Variants in PCDH7 observed in about 807,000 individuals in gnomAD.
The protein encoded by PCDH7 is protocadherin 7.
In PCDH7, 17 loss-of-function variants were observed where a neutral mutation model predicts 58.9. That is an observed-to-expected ratio of 0.29 (90% CI 0.20 to 0.43). PCDH7 has a LOEUF of 0.43. Among genes scored for constraint, PCDH7 ranks in the 20% least tolerant of loss-of-function variants. The pLI is 1.00. For synonymous variants in PCDH7, 664 were observed against 616.4 expected, an observed-to-expected ratio of 1.08 and a Z score of -1.14; for missense variants, 1,274 against 1,441.0, an observed-to-expected ratio of 0.88 and a Z score of 1.88.
At chr4:31,089,730 A>G (rs539829994) in intron 3 of PCDH7, among the ~76,000 whole-genome samples, 57 of 152,164 alleles carry the variant, frequency 3.7e-4, no homozygotes, top group African/African-American at 1.3e-3. Context: ...TTTCCCCACA[A>G]TTTTACTTAG....
intron 3 of PCDH7, among the ~76,000 whole-genome samples, chr4:31,111,939 T>C (rs1716370954): frequency 6.6e-6 from 1 of 152,214 alleles, no homozygotes; most frequent in Admixed American, 6.5e-5. Context: ...AGCTACTTAA[T>C]GATTTTGTGA....
chr4:30,965,440 T>C (rs1402229900), intron 3 of PCDH7, among the ~76,000 whole-genome samples: 1 of 152,026 alleles, frequency 6.6e-6, no homozygotes, highest in Non-Finnish European at 1.5e-5. Context: ...AATGAATCAC[T>C]GTTATCAAAA....
chr4:30,803,846 G>A lies in PCDH7; in HGVS notation c.70+79250G>A, dbSNP rs146003604. Among the ~76,000 whole-genome samples the A allele has an allele frequency of 1.5e-3, 227 of 152,242 alleles. 1 individual carries two copies. The highest frequency in any genetic ancestry group is 8.5e-3 in the East Asian group (44 of 5,178). ...GTAAGACTTACTGAAATAAAGCAGT[G>A]GAACAATGTCCTGGAATTGAAAGGG... is the stretch of plus-strand genomic sequence containing the variant. On this transcript the variant is annotated intron_variant, in intron 1 of 3. Coordinates refer to the PCDH7 transcript ENST00000509759.
intron 1 of PCDH7, among the ~76,000 whole-genome samples, chr4:30,797,481 A>G (rs1050133584): frequency 6.6e-6 from 1 of 150,916 alleles, no homozygotes; most frequent in African/African-American, 2.4e-5. Context: ...TCACTGTGTT[A>G]GCCAGGATGG....
intron 1 of PCDH7, among the ~76,000 whole-genome samples, chr4:30,799,811 T>A (rs577748692): frequency 6.6e-6 from 1 of 152,208 alleles, no homozygotes; most frequent in Non-Finnish European, 1.5e-5. Flanking sequence ...TTATTGCATA[T>A]AATTCAAGAT....
At chr4:31,052,318 G>GTAGTAA (rs1438146444) in intron 3 of PCDH7, among the ~76,000 whole-genome samples, 1 of 152,076 alleles carries the variant, frequency 6.6e-6, no homozygotes, top group Non-Finnish European at 1.5e-5. Flanking sequence ...CAAACTTTAA[G>GTAGTAA]TAGTAATATC....
At chr4:30,803,968 A>C (rs1386794533) in intron 1 of PCDH7, among the ~76,000 whole-genome samples, 1 of 152,156 alleles carries the variant, frequency 6.6e-6, no homozygotes, top group East Asian at 1.9e-4. Flanking sequence ...ATAAAACTTA[A>C]ACTAACCAGT....
At chr4:30,736,233 A>G (rs1716235921), downstream of PCDH7, among the ~76,000 whole-genome samples, 1 of 152,088 alleles carries the variant, frequency 6.6e-6, no homozygotes, top group South Asian at 2.1e-4. Flanking sequence ...AATACAAATA[A>G]CAAAAATCTG....
intron 1 of PCDH7, among the ~76,000 whole-genome samples, chr4:30,870,928 G>A (rs1462182979): frequency 6.6e-6 from 1 of 152,000 alleles, no homozygotes; most frequent in Admixed American, 6.6e-5. Flanking sequence ...CAAATTCTGA[G>A]GTTTACTCCC....
intron 1 of PCDH7, among the ~76,000 whole-genome samples, chr4:30,876,076 AAG>A (rs1168753989): frequency 3.9e-5 from 6 of 152,136 alleles, no homozygotes; most frequent in Admixed American, 3.9e-4. Flanking sequence ...AATATCAGTA[AAG>A]CATTAGTCAT....
At chr4:30,820,236 G>C (rs903622867) in intron 1 of PCDH7, among the ~76,000 whole-genome samples, 1 of 152,164 alleles carries the variant, frequency 6.6e-6, no homozygotes, top group Non-Finnish European at 1.5e-5. Flanking sequence ...CTTTTTGTGT[G>C]TGAGAGAAAG....
intron 1 of PCDH7, among the ~76,000 whole-genome samples, chr4:30,769,667 G>A (rs1316159862): frequency 2.0e-5 from 3 of 152,134 alleles, no homozygotes; most frequent in African/African-American, 7.2e-5. Flanking sequence ...CCACCCTGTT[G>A]TGAGTTTTGT....
intron 2 of PCDH7, among the ~76,000 whole-genome samples, chr4:30,929,044 A>G (rs1223539569): frequency 6.6e-6 from 1 of 152,182 alleles, no homozygotes; most frequent in African/African-American, 2.4e-5. Context: ...TCTGCTTATA[A>G]ACATGGATAA....
chr4:31,077,656 T>C (rs1277940183), intron 3 of PCDH7, among the ~76,000 whole-genome samples: 1 of 152,166 alleles, frequency 6.6e-6, no homozygotes, highest in Non-Finnish European at 1.5e-5. Context: ...AGGTGGATAC[T>C]TGTTAAGAGC....
At chr4:30,952,561 C>A (rs1047626746) in intron 3 of PCDH7, among the ~76,000 whole-genome samples, 25 of 151,798 alleles carry the variant, frequency 1.6e-4, no homozygotes, top group Non-Finnish European at 4.4e-5. Context: ...TCATTAAAAA[C>A]CACAGACACT....
intron 1 of PCDH7, among the ~76,000 whole-genome samples, chr4:30,893,641 G>A (rs1738903344): frequency 1.3e-5 from 2 of 152,030 alleles, no homozygotes; most frequent in South Asian, 4.2e-4. Flanking sequence ...TAGTGTTATG[G>A]CTTATTTTGT....
intron 3 of PCDH7, among the ~76,000 whole-genome samples, chr4:31,104,405 C>T (rs1323137550): frequency 1.3e-5 from 2 of 152,180 alleles, no homozygotes; most frequent in African/African-American, 4.8e-5. Flanking sequence ...CCCTTCTCTC[C>T]ACAATCTCTA....
chr4:31,048,414 T>C (rs1284191533), intron 3 of PCDH7, among the ~76,000 whole-genome samples: 1 of 152,124 alleles, frequency 6.6e-6, no homozygotes. Context: ...GGCATGTAAA[T>C]ATTGACACTT....
chr4:30,746,801 A>C (rs1442386003), intron 1 of PCDH7, among the ~76,000 whole-genome samples: 1 of 152,190 alleles, frequency 6.6e-6, no homozygotes, highest in Non-Finnish European at 1.5e-5. Context: ...GATGGAAAGA[A>C]GATTTTTTTC....
Sources: allele counts gnomAD v4.1 joint callset (sites outside exome capture counted in the v4.1 genomes callset), GRCh38; gene constraint gnomAD v4.1.1; transcripts MANE v1.5; gene names NCBI Gene and HGNC (gene_info 2026-07-23, HGNC 2026-07-21).